Variants in VPS52 observed in about 807,000 individuals in gnomAD.
VPS52 encodes the protein VPS52 subunit of GARP complex.
In VPS52, 56 loss-of-function variants were observed where a neutral mutation model predicts 98.7. That is an observed-to-expected ratio of 0.57 (90% confidence interval 0.46 to 0.71). The LOEUF is 0.71. Among genes scored for constraint, VPS52 ranks in the 30% least tolerant of loss-of-function variants. VPS52 has a pLI of 0.00. For missense variants in VPS52, 742 were observed against 925.9 expected (o/e 0.80, Z 2.58); for synonymous variants, 348 against 346.4 (o/e 1.00, Z -0.05).
chr6:33,250,577 G>C lies in VPS52; in HGVS notation c.*264C>G. ...ATGGGAGCAGGAAAGGAGGGTGACA[G>C]ACTGGAGAAATGATAAAGGCCATTT... On this transcript the variant is annotated 3_prime_UTR_variant, in exon 20 of 20. Transcript: ENST00000445902. The C allele has an allele frequency of 2.1e-6, 1 of 483,206 alleles. No individual in the cohort carries two copies. Among genetic ancestry groups the C allele is most frequent in the South Asian group, 3.1e-5 (1 of 31,794 alleles). The allele number at this position is 483,206 out of a possible 1,614,324, so 29.9% of individuals were successfully genotyped here.
Position 33,264,073 on chromosome 6 carries a change from C to T in VPS52, c.1555G>A (p.Ala519Thr), listed in dbSNP as rs762692222. The T allele has an allele frequency of 6.8e-5, 110 of 1,614,156 alleles. No individual in the cohort carries two copies. Among genetic ancestry groups the T allele is most frequent in the Middle Eastern group, 1.7e-4 (1 of 6,052 alleles). Residue 519 changes from alanine (A) to threonine (T), a missense_variant, in exon 15 of 20, where the codon GCT becomes ACT. By Grantham distance (58) the Ala-to-Thr change is moderately conservative (BLOSUM62 0). Transcript: ENST00000445902. ...ITRRYAEFSS[A>T]LVSINQTIPN... ...ATTGTCTGGTTGATACTGACAAGAG[C>T]GGAGGAGAACTCTGCATAGCGGCGT...
intron 3 of VPS52, 37 bp downstream of exon 3, chr6:33,269,962 A>T (rs1232190915): frequency 6.2e-7 from 1 of 1,613,554 alleles, no homozygotes; most frequent in African/African-American, 1.3e-5. Flanking sequence ...GGGGTAGAAT[A>T]GATAGAAGGG....
intron 19 of VPS52, 128 bp from the exon 20 acceptor site, chr6:33,251,115 G>T: frequency 7.5e-7 from 1 of 1,325,114 alleles, no homozygotes; most frequent in Non-Finnish European, 1.0e-6. Context: ...AGGCCATGGC[G>T]GGCAGATCAC....
chr6:33,268,892 TG>T lies in VPS52; in HGVS notation c.548+121del. On this transcript the variant is annotated intron_variant, in intron 6 of 19. Coordinates refer to ENST00000445902, the MANE Select transcript of VPS52 (RefSeq NM_022553.6). The surrounding 1 kb of genome is among the most constrained non-coding windows in gnomAD (Gnocchi z 4.0). ...ATACCTAAAGAAATGGTGGTTAACC[TG>T]GCTACTAATTTCTAAAAAGCACTTA... 2 of 1,338,174 alleles carry T rather than the reference TG, an allele frequency of 1.5e-6. No individual in the cohort carries two copies. The highest frequency in any genetic ancestry group is 2.0e-6 in the Non-Finnish European group (2 of 978,584). 82.9% of individuals were successfully genotyped at this position (1,338,174 alleles called of 1,614,324 possible). A position where few individuals can be genotyped will look rare whatever the true frequency, so the allele number is the denominator to read the frequency against.
chr6:33,256,128 A>G (rs933326564), intron 17 of VPS52, among the ~76,000 whole-genome samples: 3 of 152,134 alleles, frequency 2.0e-5, no homozygotes, highest in Admixed American at 6.6e-5. Context: ...ATACCCACCT[A>G]AAAATATGGC....
At chr6:33,265,571 C>T (rs1347536030) in intron 12 of VPS52, among the ~76,000 whole-genome samples, 3 of 152,146 alleles carry the variant, frequency 2.0e-5, no homozygotes, top group Non-Finnish European at 4.4e-5. Flanking sequence ...AAGGTCTTGC[C>T]GCATTGCCCA....
rs1414470195 is a variant in VPS52, at chr6:33,267,966, G to T, written c.832C>A (p.Arg278=). ...TCCCTGATCTCCTTTGCTGTTGCTCGTTCATTGCCCAGCAGAAACTGATAG... is the reference window on the plus strand; with the variant it reads ...TCCCTGATCTCCTTTGCTGTTGCTCTTTCATTGCCCAGCAGAAACTGATAG... ...FFYQFLLGNE[R]ATAKEIRDEY... The change falls in exon 9 of 20, where the codon CGA becomes AGA. Residue 278 remains arginine (R), a synonymous_variant. Transcript: ENST00000445902. This position sits in a 1 kb window ranked among gnomAD's most constrained non-coding sequence, Gnocchi z 4.2. 1.9e-6 allele frequency: 3 copies of T among 1,613,028 alleles called. No individual in the cohort carries two copies. Among genetic ancestry groups the T allele is most frequent in the Admixed American group, 1.7e-5 (1 of 60,000 alleles).
intron 17 of VPS52, among the ~76,000 whole-genome samples, chr6:33,262,661 T>C (rs926493697): frequency 1.3e-5 from 2 of 152,164 alleles, no homozygotes; most frequent in Non-Finnish European, 2.9e-5. Context: ...AAATGTGGGA[T>C]ATATACACAA....
At position 33,271,713 on chromosome 6, in the gene VPS52, C is replaced by A. The variant is rs1053725780; in HGVS notation, c.-38G>T. 2 of 1,576,836 alleles carry A rather than the reference C, an allele frequency of 1.3e-6. No individual in the cohort carries two copies. Among genetic ancestry groups the A allele is most frequent in the Non-Finnish European group, 1.7e-6 (2 of 1,159,964 alleles). On this transcript the variant is annotated 5_prime_UTR_variant, in exon 1 of 20. Transcript: ENST00000445902. ...CACTTCCGGCAACTGTCAGTCCCGG[C>A]GAGTCCGTTCCCCGGAGTGGAGCTA...
chr6:33,258,146 G>T (rs1223017775), intron 17 of VPS52, among the ~76,000 whole-genome samples: 1 of 151,872 alleles, frequency 6.6e-6, no homozygotes, highest in African/African-American at 2.4e-5. Flanking sequence ...CCAGCATTTT[G>T]GGAGGCTGAG....
rs577849209 is a variant in VPS52 at position 33,265,207 on chromosome 6, G to A, written c.1282-307C>T. 2.0e-5 allele frequency among the ~76,000 whole-genome samples: 3 copies of A among 152,248 alleles called. No homozygotes were observed. The South Asian group carries it at 6.2e-4, about 32-fold the overall frequency. Reference sequence around the variant, plus strand: ...TTCTCCTGCCTCAGCCTCCTGAGTAGCTGGAATTATAGGCGCCTGCCACCA... The same window carrying A: ...TTCTCCTGCCTCAGCCTCCTGAGTAACTGGAATTATAGGCGCCTGCCACCA... On this transcript the variant is annotated intron_variant, in intron 12 of 19. Transcript: ENST00000445902.
At chr6:33,253,305 C>G (rs370737979) in intron 17 of VPS52, among the ~76,000 whole-genome samples, 251 of 152,036 alleles carry the variant, frequency 1.7e-3, no homozygotes, top group African/African-American at 5.8e-3. Flanking sequence ...GCCTGGCCAA[C>G]ATGGTGAAAT....
chr6:33,251,984 A>G lies in VPS52; in HGVS notation c.1795-13T>C. The G allele has an allele frequency of 3.7e-6, 6 of 1,608,868 alleles. No homozygotes were observed. Among genetic ancestry groups the G allele is most frequent in the Non-Finnish European group, 5.1e-6 (6 of 1,176,284 alleles). ...CTTCAATGAATTCCTGGAAAGACAC[A>G]AACACATATACACAGGTGTCCTGGT... is the stretch of plus-strand genomic sequence containing the variant. On this transcript the variant is annotated splice_polypyrimidine_tract_variant and intron_variant, in intron 17 of 19. Coordinates refer to ENST00000445902, the MANE Select transcript of VPS52 (RefSeq NM_022553.6).
chr6:33,270,115 T>C, intron 2 of VPS52, 64 bp from the exon 3 acceptor site: 1 of 1,612,952 alleles, frequency 6.2e-7, no homozygotes, highest in Non-Finnish European at 8.5e-7. Context: ...ATTGAGTATC[T>C]GCACACCAAT....
In VPS52 at chr6:33,266,579, C is replaced by T; in HGVS notation, c.1259G>A (p.Gly420Asp). ...AAHDLFHAVM[G>D]RTLSMTLKHL... ...TACCAGGGTCATGCTGAGTGTACGG[C>T]CCATGACAGCATGGAACAGGTCGTG... Residue 420 changes from glycine (G) to aspartate (D), a missense_variant, in exon 12 of 20, where the codon GGC (glycine) becomes GAC (aspartate). Transcript: ENST00000445902. The T allele has an allele frequency of 1.2e-6, 2 of 1,611,202 alleles. No individual in the cohort carries two copies. Among genetic ancestry groups the T allele is most frequent in the Non-Finnish European group, 1.7e-6 (2 of 1,178,978 alleles).
At position 33,267,826 on chromosome 6, in the gene VPS52, G is replaced by A; in HGVS notation, c.933+39C>T. On this transcript the variant is annotated intron_variant, in intron 9 of 19. Transcript: ENST00000445902. This position sits in a 1 kb window ranked among gnomAD's most constrained non-coding sequence, Gnocchi z 4.2. ...TGCCCAGGGATGTCCCCTCCTCCCA[G>A]TCCATGTGCCCAGGAATACCTCTCC... 1 of 1,612,920 alleles carries A rather than the reference G, an allele frequency of 6.2e-7. No homozygotes were observed. The highest frequency in any genetic ancestry group is 8.5e-7 in the Non-Finnish European group (1 of 1,179,952).
intron 17 of VPS52, among the ~76,000 whole-genome samples, chr6:33,262,538 G>A (rs933705045): frequency 2.6e-5 from 4 of 152,154 alleles, no homozygotes; most frequent in African/African-American, 9.7e-5. Flanking sequence ...CAAAAGAAAG[G>A]AAATCAGTAC....
In VPS52 at chr6:33,267,811, T is replaced by C; in HGVS notation, c.933+54A>G. 1 of 1,613,004 alleles carries C rather than the reference T, an allele frequency of 6.2e-7. No individual in the cohort carries two copies. The highest frequency in any genetic ancestry group is 8.5e-7 in the Non-Finnish European group (1 of 1,179,996). ...CAATAAAATATTCCTTGCCCAGGGA[T>C]GTCCCCTCCTCCCAGTCCATGTGCC... is the stretch of plus-strand genomic sequence containing the variant. On this transcript the variant is annotated intron_variant, in intron 9 of 19. Coordinates refer to ENST00000445902, the MANE Select transcript of VPS52 (RefSeq NM_022553.6). This position sits in a 1 kb window ranked among gnomAD's most constrained non-coding sequence, Gnocchi z 4.2.
intron 4 of VPS52, 64 bp from the exon 5 acceptor site, chr6:33,269,621 T>G (rs1393846744): frequency 6.3e-7 from 1 of 1,578,236 alleles, no homozygotes; most frequent in Admixed American, 1.7e-5. Flanking sequence ...TTGTAGTACC[T>G]CTCCAATTTC....
Sources: gnomAD v4.1 joint callset for allele counts (sites outside exome capture counted in the v4.1 genomes callset) on GRCh38, gnomAD v4.1.1 for gene constraint, Gnocchi (gnomAD v3.1) non-coding constraint, MANE v1.5 for transcripts, NCBI Gene and HGNC (gene_info 2026-07-23, HGNC 2026-07-21) for gene names.